Variants in CSMD1 observed in about 807,000 individuals in gnomAD.
CSMD1 encodes the protein CUB and sushi domain-containing protein 1.
CSMD1 carries 213 observed loss-of-function variants against 417.5 expected under a neutral mutation model. The observed-to-expected ratio is 0.51, with a 90% confidence interval of 0.46 to 0.57. CSMD1 has a LOEUF of 0.57. Among genes scored for constraint, CSMD1 ranks in the 20% least tolerant of loss-of-function variants. The pLI is 0.00. For synonymous variants in CSMD1, 2,862 were observed against 1,736.8 expected (o/e 1.65, Z -16.11); for missense variants, 6,923 against 4,529.7 (o/e 1.53, Z -15.17).
chr8:4,047,071 G>A (rs1263258370), intron 3 of CSMD1, among the ~76,000 whole-genome samples: 1 of 152,144 alleles, frequency 6.6e-6, no homozygotes, highest in East Asian at 1.9e-4. Flanking sequence ...AATTAAATGT[G>A]GTCTTTAAAA....
chr8:4,456,985 T>TTAAAAA (rs71207092), intron 2 of CSMD1, among the ~76,000 whole-genome samples: 23 of 138,798 alleles, frequency 1.7e-4, no homozygotes, highest in South Asian at 7.0e-4. Context: ...GGTTTTTTTT[T>TTAAAAA]AAAAAAAAAA....
chr8:4,200,396 A>C (rs780562220), intron 3 of CSMD1, among the ~76,000 whole-genome samples: 10 of 152,254 alleles, frequency 6.6e-5, no homozygotes, highest in Non-Finnish European at 1.5e-4. Flanking sequence ...AAAGCAGAAA[A>C]AAATTAATGA....
intron 1 of CSMD1, among the ~76,000 whole-genome samples, chr8:4,735,772 G>A (rs1810195081): frequency 2.0e-5 from 3 of 152,040 alleles, no homozygotes; most frequent in African/African-American, 7.2e-5. Flanking sequence ...TGTCAGCCGA[G>A]GATTTGAATT....
intron 1 of CSMD1, among the ~76,000 whole-genome samples, chr8:4,743,500 T>C (rs762520324): frequency 2.6e-5 from 4 of 151,946 alleles, no homozygotes; most frequent in African/African-American, 9.7e-5. Flanking sequence ...TCAAGTACCA[T>C]GAACCTCCTG....
At chr8:4,751,172 G>A (rs1811302239) in intron 1 of CSMD1, among the ~76,000 whole-genome samples, 1 of 152,286 alleles carries the variant, frequency 6.6e-6, no homozygotes, top group Non-Finnish European at 1.5e-5. Context: ...ATCACCTGAG[G>A]TAAGGAATTC....
At chr8:3,720,670 C>T (rs915587784) in intron 6 of CSMD1, among the ~76,000 whole-genome samples, 1 of 150,118 alleles carries the variant, frequency 6.7e-6, no homozygotes, top group African/African-American at 2.5e-5. Context: ...CACATTTCTC[C>T]TTCATGACCC....
intron 1 of CSMD1, among the ~76,000 whole-genome samples, chr8:4,638,908 T>C (rs567763299): frequency 9.9e-5 from 15 of 152,282 alleles, no homozygotes; most frequent in African/African-American, 3.6e-4. Flanking sequence ...AACAAAGCAC[T>C]TCTCAGGTGA....
chr8:3,760,334 G>A (rs942593612), intron 5 of CSMD1, among the ~76,000 whole-genome samples: 2 of 152,126 alleles, frequency 1.3e-5, no homozygotes, highest in East Asian at 1.9e-4. Context: ...TCCTTCAGAG[G>A]ATTCAACTGG....
chr8:3,829,434 T>C (rs999876029), intron 5 of CSMD1, among the ~76,000 whole-genome samples: 2 of 152,152 alleles, frequency 1.3e-5, no homozygotes, highest in African/African-American at 4.8e-5. Flanking sequence ...TCAATACCGG[T>C]TCCACATGAA....
At chr8:4,678,016 A>G (rs773853778) in intron 1 of CSMD1, among the ~76,000 whole-genome samples, 14 of 152,232 alleles carry the variant, frequency 9.2e-5, no homozygotes, top group Non-Finnish European at 2.9e-5. Flanking sequence ...ACAAACAAAT[A>G]TAAAACCAAA....
chr8:4,081,274 G>A (rs766244104), intron 3 of CSMD1, among the ~76,000 whole-genome samples: 11 of 152,156 alleles, frequency 7.2e-5, no homozygotes, highest in Non-Finnish European at 4.4e-5. Flanking sequence ...AATACGCCCA[G>A]CGATTCTCGT....
At chr8:4,176,380 C>G (rs1047818692) in intron 3 of CSMD1, among the ~76,000 whole-genome samples, 6 of 151,966 alleles carry the variant, frequency 3.9e-5, no homozygotes, top group Non-Finnish European at 8.8e-5. Flanking sequence ...CACTCTTAAG[C>G]CTCTTATTCT....
At chr8:4,412,755 C>G (rs1164558799) in intron 3 of CSMD1, among the ~76,000 whole-genome samples, 4 of 152,174 alleles carry the variant, frequency 2.6e-5, no homozygotes, top group Non-Finnish European at 4.4e-5. Flanking sequence ...AGGAATTAGA[C>G]TACTTACATT....
intron 5 of CSMD1, among the ~76,000 whole-genome samples, chr8:3,927,214 A>G (rs980156640): frequency 4.6e-5 from 7 of 152,030 alleles, no homozygotes; most frequent in African/African-American, 1.7e-4. Context: ...TCTAATAAAT[A>G]AATGCTAACC....
chr8:3,240,825 G>A (rs1410415202), intron 26 of CSMD1, among the ~76,000 whole-genome samples: 1 of 152,172 alleles, frequency 6.6e-6, no homozygotes, highest in Non-Finnish European at 1.5e-5. Context: ...GAACTAACCT[G>A]TAAGGCTTGT....
intron 1 of CSMD1, among the ~76,000 whole-genome samples, chr8:4,809,216 G>A (rs913133759): frequency 1.3e-5 from 2 of 152,056 alleles, no homozygotes; most frequent in African/African-American, 4.8e-5. Context: ...TTATTCTTTA[G>A]GAGAAAAGAT....
chr8:4,053,094 G>A (rs370376524), intron 3 of CSMD1, among the ~76,000 whole-genome samples: 28 of 152,252 alleles, frequency 1.8e-4, no homozygotes, highest in Admixed American at 5.2e-4. Context: ...GGAATAAGAA[G>A]GGGCTGATAC....
intron 41 of CSMD1, among the ~76,000 whole-genome samples, chr8:3,123,864 T>C (rs1817349384): frequency 6.6e-6 from 1 of 152,242 alleles, no homozygotes; most frequent in Non-Finnish European, 1.5e-5. Flanking sequence ...TAATAGTATG[T>C]AAGGCATTGC....
intron 10 of CSMD1, among the ~76,000 whole-genome samples, chr8:3,509,536 G>A (rs186689132): frequency 1.3e-5 from 2 of 152,122 alleles, no homozygotes; most frequent in East Asian, 3.9e-4. Context: ...ATTCTACCAA[G>A]ATTGCCTCTA....
Sources: gnomAD v4.1 joint callset for allele counts (sites outside exome capture counted in the v4.1 genomes callset) on GRCh38, gnomAD v4.1.1 for gene constraint, MANE v1.5 for transcripts, NCBI Gene and HGNC (gene_info 2026-07-23, HGNC 2026-07-21) for gene names.